The following KANK4 variants were observed in gnomAD, a reference collection of about 807,000 sequenced individuals.
KANK4 encodes KN motif and ankyrin repeat domain-containing protein 4.
In KANK4, 50 loss-of-function variants were observed where a neutral mutation model predicts 80.8. That is an observed-to-expected ratio of 0.62 (90% confidence interval 0.49 to 0.78). The LOEUF is 0.78. KANK4 is among the 30% of genes least tolerant of loss of function. KANK4 has a pLI of 0.00. For synonymous variants in KANK4, 465 were observed against 506.9 expected (o/e 0.92, Z 1.11); for missense variants, 1,196 against 1,240.1 (o/e 0.96, Z 0.53).
chr1:62,282,459 G>C (rs1672471542), intron 1 of KANK4, among the ~76,000 whole-genome samples: 1 of 152,188 alleles, frequency 6.6e-6, no homozygotes, highest in Admixed American at 6.5e-5. Flanking sequence ...AGTGGAAGCA[G>C]GGTTGTTTTA....
intron 1 of KANK4, chr1:62,298,137 GC>G (rs1448793218): frequency 2.6e-5 from 4 of 152,116 alleles, no homozygotes; most frequent in African/African-American, 9.7e-5. Flanking sequence ...AATCTGTGGG[GC>G]TTTTTCTTTT....
Position 62,273,368 on chromosome 1 carries a change from T to A in KANK4, c.1736A>T (p.Glu579Val). Reference sequence around the variant, plus strand: ...GCTGGCCAGCTCCGGGTACCCATGCTCCAGGCAGTTCCACTGCTCCTGCAG... The same window carrying A: ...GCTGGCCAGCTCCGGGTACCCATGCACCAGGCAGTTCCACTGCTCCTGCAG... ...ELLQEQWNCL[E>V]HGYPELASAI... Residue 579 changes from glutamate (E) to valine (V), a missense_variant, in exon 3 of 10, where the codon GAG becomes GTG. Coordinates refer to ENST00000371153, the MANE Select transcript of KANK4 (RefSeq NM_181712.5). 1 of 1,607,634 alleles carries A rather than the reference T, an allele frequency of 6.2e-7. No individual in the cohort carries two copies. Among genetic ancestry groups the A allele is most frequent in the Non-Finnish European group, 8.5e-7 (1 of 1,175,226 alleles).
At chr1:62,238,757 G>A (rs1010165182) in intron 9 of KANK4, among the ~76,000 whole-genome samples, 1 of 151,434 alleles carries the variant, frequency 6.6e-6, no homozygotes, top group Non-Finnish European at 1.5e-5. Flanking sequence ...AGCCTCCCAA[G>A]TAGCTGGGAT....
chr1:62,243,458 C>A (rs897387680), intron 9 of KANK4, among the ~76,000 whole-genome samples: 2 of 152,062 alleles, frequency 1.3e-5, no homozygotes, highest in Non-Finnish European at 1.5e-5. Context: ...CCTGTCTCAG[C>A]CTCCTGAGTA....
rs568955328 is a variant in KANK4, at chr1:62,298,208, C to T, written c.-70-16574G>A. 5.9e-5 allele frequency: 9 copies of T among 152,284 alleles called. No individual in the cohort carries two copies. The South Asian group carries it at 1.7e-3, about 28-fold the overall frequency. 9.4% of individuals were successfully genotyped at this position (152,284 alleles called of 1,614,324 possible). The stretch of plus-strand genomic sequence containing the variant: ...TTCCTTGTGCAGAGGCCATGCTGAT[C>T]GTCTCTGTATCATTCCAATTTTGGT... On this transcript the variant is annotated intron_variant, in intron 1 of 9. Coordinates refer to ENST00000371153, the MANE Select transcript of KANK4 (RefSeq NM_181712.5).
chr1:62,302,574 T>A (rs74078522), intron 1 of KANK4, among the ~76,000 whole-genome samples: 1 of 151,990 alleles, frequency 6.6e-6, no homozygotes, highest in African/African-American at 2.4e-5. Context: ...TTTGGGCAGA[T>A]AGAGCAGATG....
At position 62,244,847 on chromosome 1, in the gene KANK4, C is replaced by A. The variant is rs1198129128; in HGVS notation, c.2883+2625G>T. ...TTGGGATTACAGGCAGAAGCCACTG[C>A]ACCTGGCCTCATGAGCGTTTAAAGT... On this transcript the variant is annotated intron_variant, in intron 9 of 9. Coordinates refer to ENST00000371153, the MANE Select transcript of KANK4 (RefSeq NM_181712.5). 4.6e-5 allele frequency among the ~76,000 whole-genome samples: 7 copies of A among 152,204 alleles called. No individual in the cohort carries two copies. In the East Asian group the frequency reaches 1.3e-3, roughly 29 times the overall value.
chr1:62,296,891 C>T (rs1644368915), intron 1 of KANK4, among the ~76,000 whole-genome samples: 1 of 151,982 alleles, frequency 6.6e-6, no homozygotes, highest in African/African-American at 2.4e-5. Context: ...CCTGTACACT[C>T]ATTTTATAGA....
intron 7 of KANK4, among the ~76,000 whole-genome samples, chr1:62,261,174 T>G (rs1378955835): frequency 3.3e-5 from 3 of 89,928 alleles, no homozygotes; most frequent in Admixed American, 1.4e-4. Context: ...TTTTTTTTTT[T>G]GAGACAGGGT....
chr1:62,309,764 C>A (rs961301446), intron 1 of KANK4, among the ~76,000 whole-genome samples: 2 of 152,188 alleles, frequency 1.3e-5, no homozygotes, highest in African/African-American at 4.8e-5. Context: ...ACGGGCCACA[C>A]TGCGATGGAC....
chr1:62,260,684 T>C (rs1334531794), intron 7 of KANK4, among the ~76,000 whole-genome samples: 1 of 152,126 alleles, frequency 6.6e-6, no homozygotes. Flanking sequence ...GTCCCCTCCA[T>C]CTGCCAAACC....
chr1:62,274,302 G>A lies in KANK4; in HGVS notation c.802C>T (p.His268Tyr), dbSNP rs773403330. The A allele has an allele frequency of 6.2e-7, 1 of 1,614,162 alleles. No individual in the cohort carries two copies. The highest frequency in any genetic ancestry group is 2.2e-5 in the East Asian group (1 of 44,876). The change falls in exon 3 of 10, where the codon CAC (histidine) becomes TAC (tyrosine). Residue 268 changes from histidine (H) to tyrosine (Y), a missense_variant. Physicochemically the swap from His to Tyr is moderately conservative, Grantham distance 83 (BLOSUM62 2). Transcript: ENST00000371153. Reference sequence around the variant, plus strand: ...AACACCTCTGCTTCTCTGGCATTGTGTTCATCTTCCTTGTCCTCTAGAACT... The same window carrying A: ...AACACCTCTGCTTCTCTGGCATTGTATTCATCTTCCTTGTCCTCTAGAACT... ...LVVLEDKEDE[H>Y]NAREAEVLFT...
At position 62,238,181 on chromosome 1, in the gene KANK4, T is replaced by C. The variant is rs1245433472; in HGVS notation, c.*96A>G. Reference sequence around the variant, plus strand: ...TGACATAGTTTCTTCTCTAGAAGGGTGGCTCTCTGGCCTGTGACCTCTGCC... The same window carrying C: ...TGACATAGTTTCTTCTCTAGAAGGGCGGCTCTCTGGCCTGTGACCTCTGCC... On this transcript the variant is annotated 3_prime_UTR_variant, in exon 10 of 10. Coordinates refer to ENST00000371153, the MANE Select transcript of KANK4 (RefSeq NM_181712.5). The C allele has an allele frequency of 2.7e-6, 2 of 734,142 alleles. No homozygotes were observed. Among genetic ancestry groups the C allele is most frequent in the Non-Finnish European group, 4.6e-6 (2 of 430,182 alleles). 45.5% of individuals were successfully genotyped at this position (734,142 alleles called of 1,614,324 possible).
intron 1 of KANK4, among the ~76,000 whole-genome samples, chr1:62,300,265 C>A (rs1347022155): frequency 6.6e-6 from 1 of 152,144 alleles, no homozygotes; most frequent in Non-Finnish European, 1.5e-5. Flanking sequence ...AGAAAAGAGA[C>A]CCTTTTCTGT....
intron 8 of KANK4, among the ~76,000 whole-genome samples, chr1:62,248,376 TC>T (rs1557469028): frequency 1.3e-5 from 2 of 152,086 alleles, no homozygotes; most frequent in Non-Finnish European, 2.9e-5. Flanking sequence ...GTTTTTCTTT[TC>T]TTTTTTTTGA....
At chr1:62,266,622 C>T (rs1672027611) in intron 6 of KANK4, 110 bp downstream of exon 6, 5 of 731,392 alleles carry the variant, frequency 6.8e-6, no homozygotes, top group Non-Finnish European at 1.2e-5. Context: ...CCACTGCACA[C>T]TCACACCACT....
In KANK4 at chr1:62,273,374, C is replaced by T. The variant is rs779420464; in HGVS notation, c.1730G>A (p.Cys577Tyr). The change falls in exon 3 of 10, where the codon TGC becomes TAC. Residue 577 changes from cysteine (C) to tyrosine (Y), a missense_variant. Cys to Tyr is a radical substitution (Grantham distance 194). This residue lies in a region of KANK4 where 1,154 missense variants were observed against 1,179.6 expected (regional missense o/e 0.98). Transcript: ENST00000371153. The part of the protein sequence containing the change: ...IQELLQEQWN[C>Y]LEHGYPELAS... ...CAGCTCCGGGTACCCATGCTCCAGGCAGTTCCACTGCTCCTGCAGGAGCTC... is the reference window on the plus strand; with the variant it reads ...CAGCTCCGGGTACCCATGCTCCAGGTAGTTCCACTGCTCCTGCAGGAGCTC... 5.0e-6 allele frequency: 8 copies of T among 1,607,324 alleles called. No homozygotes were observed. The Admixed American group carries it at 1.3e-4, about 27-fold the overall frequency.
chr1:62,284,607 C>T (rs150615632), intron 1 of KANK4, among the ~76,000 whole-genome samples: 3 of 152,314 alleles, frequency 2.0e-5, no homozygotes, highest in African/African-American at 4.8e-5. Flanking sequence ...GGGTGAGCCA[C>T]GGCACCTGAT....
intron 1 of KANK4, among the ~76,000 whole-genome samples, chr1:62,308,023 C>T (rs930536407): frequency 1.3e-5 from 2 of 152,120 alleles, no homozygotes; most frequent in Admixed American, 1.3e-4. Flanking sequence ...CCTTTGCTCA[C>T]CCCGTATCCA....
Sources: gnomAD v4.1 joint callset for allele counts (sites outside exome capture counted in the v4.1 genomes callset) on GRCh38, gnomAD v4.1.1 for gene constraint, gnomAD v4.1.1 regional missense constraint, MANE v1.5 for transcripts, NCBI Gene and HGNC (gene_info 2026-07-23, HGNC 2026-07-21) for gene names.